The following SART3 variants were observed in gnomAD, a reference collection of about 807,000 sequenced individuals.
SART3 encodes spliceosome associated factor 3, U4/U6 recycling protein.
SART3 carries 44 observed loss-of-function variants against 122.3 expected under a neutral mutation model. That is an observed-to-expected ratio of 0.36 (90% CI 0.28 to 0.46). The LOEUF is 0.46. SART3 is among the 20% of genes least tolerant of loss of function. SART3 has a pLI of 1.00. For synonymous variants in SART3, 442 were observed against 454.0 expected (o/e 0.97, Z 0.34); for missense variants, 1,101 against 1,229.0 (o/e 0.90, Z 1.56).
intron 11 of SART3, among the ~76,000 whole-genome samples, chr12:108,535,786 T>TAAAA (rs34651226): frequency 7.0e-6 from 1 of 143,080 alleles, no homozygotes; most frequent in Non-Finnish European, 1.5e-5. Context: ...GAGACAATGT[T>TAAAA]AAAAAAAAAA....
chr12:108,560,637 G>A (rs1000316305), intron 1 of SART3: 3 of 531,546 alleles, frequency 5.6e-6, no homozygotes, highest in South Asian at 2.9e-5. Flanking sequence ...CCTTCACAGG[G>A]TCGTGGCGAG....
chr12:108,535,340 C>T lies in SART3; in HGVS notation c.1556+19G>A, dbSNP rs76315070. The stretch of plus-strand genomic sequence containing the variant: ...CAGCTGACAAGCACTGCCTCCCTCC[C>T]CACCCCGAGATCAGTTACCTTTCCA... On this transcript the variant is annotated intron_variant, in intron 12 of 18. Transcript: ENST00000546815. 7,592 of 1,601,182 alleles carry T rather than the reference C, an allele frequency of 4.7e-3. 280 individuals carry two copies. In the African/African-American group the frequency reaches 0.088, roughly 19 times the overall value.
At chr12:108,560,703 G>T in intron 1 of SART3, 140 bp downstream of exon 1, 1 of 664,222 alleles carries the variant, frequency 1.5e-6, no homozygotes, top group South Asian at 2.1e-5. Flanking sequence ...ACTCAAATCC[G>T]ACAGGAGCTA....
chr12:108,533,819 A>G (rs1214077701), intron 12 of SART3, among the ~76,000 whole-genome samples: 1 of 152,246 alleles, frequency 6.6e-6, no homozygotes, highest in Non-Finnish European at 1.5e-5. Context: ...TGTGGCATCA[A>G]GTAAAAGATA....
intron 6 of SART3, 125 bp downstream of exon 6, chr12:108,542,902 AC>A (rs1198929227): frequency 8.0e-7 from 1 of 1,249,432 alleles, no homozygotes; most frequent in African/African-American, 1.5e-5. Context: ...TGTAAACTGT[AC>A]GTATACATTT....
intron 3 of SART3, among the ~76,000 whole-genome samples, chr12:108,546,869 G>C (rs1592770440): frequency 6.6e-6 from 1 of 151,926 alleles, no homozygotes; most frequent in Non-Finnish European, 1.5e-5. Flanking sequence ...GCCCAGGCTA[G>C]AGTGTAGTAG....
At chr12:108,530,337 G>A (rs758706331) in intron 14 of SART3, 27 bp from the exon 15 acceptor site, 11 of 1,611,724 alleles carry the variant, frequency 6.8e-6, no homozygotes, top group East Asian at 4.5e-5. Flanking sequence ...ATGATGCATC[G>A]CTGGATGTGG....
At chr12:108,548,143 C>A (rs1873519233) in intron 2 of SART3, 152 bp from the exon 3 acceptor site, 1 of 700,394 alleles carries the variant, frequency 1.4e-6, no homozygotes, top group Non-Finnish European at 2.6e-6. Context: ...GAACTAAGCA[C>A]ATAGGAGGTT....
chr12:108,535,509 T>G (rs765426227), intron 11 of SART3, 41 bp from the exon 12 acceptor site: 1 of 1,488,718 alleles, frequency 6.7e-7, no homozygotes, highest in Non-Finnish European at 9.4e-7. Flanking sequence ...CTGAACCTTA[T>G]GACGTCGACA....
intron 15 of SART3, among the ~76,000 whole-genome samples, chr12:108,528,962 AAAT>A (rs1872524994): frequency 6.6e-6 from 1 of 152,174 alleles, no homozygotes; most frequent in African/African-American, 2.4e-5. Context: ...TCTCTACTAA[AAAT>A]ACAAAAAATT....
intron 15 of SART3, 150 bp downstream of exon 15, chr12:108,529,992 C>A: frequency 1.1e-6 from 1 of 909,672 alleles, no homozygotes; most frequent in East Asian, 2.5e-5. Flanking sequence ...GAAGAGGGCC[C>A]CTTGTTTGCA....
At chr12:108,543,180 G>C in intron 5 of SART3, 28 bp from the exon 6 acceptor site, 3 of 1,612,888 alleles carry the variant, frequency 1.9e-6, no homozygotes, top group South Asian at 1.1e-5. Flanking sequence ...CAGCCCCGTG[G>C]GTCTTGCCAT....
intron 18 of SART3, chr12:108,524,097 G>A: frequency 5.0e-6 from 3 of 600,324 alleles, no homozygotes; most frequent in Admixed American, 2.9e-5. Context: ...AATGACAAGT[G>A]TAAATTGGCC....
chr12:108,559,311 T>C (rs1175249223), intron 1 of SART3, among the ~76,000 whole-genome samples: 1 of 152,212 alleles, frequency 6.6e-6, no homozygotes, highest in Non-Finnish European at 1.5e-5. Context: ...AATCCCACTA[T>C]GAATAACTTA....
In SART3 at chr12:108,561,121, G is replaced by T; in HGVS notation, c.34C>A (p.Pro12Thr). 1.9e-6 allele frequency: 3 copies of T among 1,613,562 alleles called. No homozygotes were observed. Among genetic ancestry groups the T allele is most frequent in the Non-Finnish European group, 2.5e-6 (3 of 1,179,494 alleles). The part of the protein sequence containing the change: ...ATAAETSASE[P>T]EAESKAGPKA... ...GGCCCAGCCTTGGACTCAGCCTCGGGTTCTGAAGCCGAGGTTTCGGCCGCA... is the reference window on the plus strand; with the variant it reads ...GGCCCAGCCTTGGACTCAGCCTCGGTTTCTGAAGCCGAGGTTTCGGCCGCA... Residue 12 changes from proline (P) to threonine (T), a missense_variant, in exon 1 of 19, where the codon CCC becomes ACC. Pro to Thr is a conservative substitution (Grantham distance 38). This residue lies in a region of SART3 where 216 missense variants were observed against 148.9 expected (regional missense o/e 1.45). Transcript: ENST00000546815.
rs1292510311 is a variant in SART3, at chr12:108,549,081, A to G, written c.439+7T>C. ...TTTCTAAAAGCAGCCTGACTGCTGAAGCTTACCTTCAGTCAAGGGAAAGAT... is the reference window on the plus strand; with the variant it reads ...TTTCTAAAAGCAGCCTGACTGCTGAGGCTTACCTTCAGTCAAGGGAAAGAT... On this transcript the variant is annotated splice_region_variant and intron_variant, in intron 2 of 18. Coordinates refer to ENST00000546815, the MANE Select transcript of SART3 (RefSeq NM_014706.4). 3.1e-6 allele frequency: 5 copies of G among 1,613,944 alleles called. No homozygotes were observed. The highest frequency in any genetic ancestry group is 1.6e-4 in the Middle Eastern group (1 of 6,078).
rs1228974351 is a variant in SART3 at position 108,523,059 on chromosome 12, AG to A, written c.*397del. The A allele has an allele frequency of 2.4e-5, 5 of 208,692 alleles. No individual in the cohort carries two copies. The highest frequency in any genetic ancestry group is 1.2e-4 in the African/African-American group (5 of 43,466). 12.9% of individuals were successfully genotyped at this position (208,692 alleles called of 1,614,324 possible). A position where few individuals can be genotyped will look rare whatever the true frequency, so the allele number is the denominator to read the frequency against. On this transcript the variant is annotated 3_prime_UTR_variant, in exon 19 of 19. Coordinates refer to ENST00000546815, the MANE Select transcript of SART3 (RefSeq NM_014706.4). ...TGCCATTTCATCTTTTAAAATTAAA[AG>A]AATGACGGGCACATGTGCTGTGCAG...
intron 3 of SART3, among the ~76,000 whole-genome samples, chr12:108,546,876 G>A (rs1411608299): frequency 6.6e-6 from 1 of 152,172 alleles, no homozygotes; most frequent in Non-Finnish European, 1.5e-5. Context: ...CTAGAGTGTA[G>A]TAGCACAACC....
intron 5 of SART3, 109 bp downstream of exon 5, chr12:108,544,318 C>T: frequency 1.0e-6 from 1 of 964,840 alleles, no homozygotes; most frequent in Admixed American, 1.7e-5. Flanking sequence ...GTAAGAACAC[C>T]AGCTTTACCT....
Sources: allele counts gnomAD v4.1 joint callset (sites outside exome capture counted in the v4.1 genomes callset), GRCh38; gene constraint gnomAD v4.1.1; regional missense constraint gnomAD v4.1.1; transcripts MANE v1.5; gene names NCBI Gene and HGNC (gene_info 2026-07-23, HGNC 2026-07-21).